The following RXFP1 variants were observed in gnomAD, a reference collection of about 807,000 sequenced individuals.
RXFP1 encodes the protein relaxin family peptide receptor 1.
RXFP1 carries 73 observed loss-of-function variants against 89.8 expected under a neutral mutation model. The observed-to-expected ratio is 0.81, with a 90% CI of 0.67 to 0.99. RXFP1 has a LOEUF of 0.99. Ranked by LOEUF, RXFP1 falls within the 50% of genes least tolerant of loss-of-function variation. The probability of loss-of-function intolerance (pLI) is 0.00; values close to 1 mark genes in which losing one functional copy is unlikely to be tolerated. For synonymous variants in RXFP1, 277 were observed against 305.5 expected (o/e 0.91, Z 0.97); for missense variants, 793 against 895.5 (o/e 0.89, Z 1.46).
At chr4:158,606,753 T>C (rs1762604498) in intron 5 of RXFP1, among the ~76,000 whole-genome samples, 1 of 150,194 alleles carries the variant, frequency 6.7e-6, no homozygotes, top group African/African-American at 2.4e-5. Context: ...CTGGCTCCTT[T>C]TTTTTTTTTT....
intron 14 of RXFP1, among the ~76,000 whole-genome samples, chr4:158,644,342 A>T (rs1010444594): frequency 6.6e-6 from 1 of 152,088 alleles, no homozygotes; most frequent in African/African-American, 2.4e-5. Context: ...CACCGCGCCC[A>T]GCCTTGTATG....
intron 11 of RXFP1, among the ~76,000 whole-genome samples, chr4:158,632,799 T>C (rs988823413): frequency 2.6e-5 from 4 of 152,126 alleles, no homozygotes; most frequent in Non-Finnish European, 5.9e-5. Context: ...CATGCATCTA[T>C]TCTAACACAC....
At chr4:158,624,451 G>A (rs1766299830) in intron 9 of RXFP1, among the ~76,000 whole-genome samples, 2 of 152,022 alleles carry the variant, frequency 1.3e-5, no homozygotes, top group South Asian at 4.1e-4. Flanking sequence ...TGTTATTGTT[G>A]TTATTCAGAT....
intron 1 of RXFP1, among the ~76,000 whole-genome samples, chr4:158,548,390 T>A (rs1439266565): frequency 2.0e-5 from 3 of 152,256 alleles, no homozygotes; most frequent in Non-Finnish European, 2.9e-5. Flanking sequence ...CTGATGGGTC[T>A]GGACTCTTTA....
chr4:158,566,213 A>G (rs987803571), intron 1 of RXFP1, among the ~76,000 whole-genome samples: 5 of 152,180 alleles, frequency 3.3e-5, no homozygotes, highest in African/African-American at 4.8e-5. Flanking sequence ...TTTACATAGG[A>G]AAATATTCTT....
rs574990615 is a variant in RXFP1 at position 158,543,737 on chromosome 4, A to T, written c.49+21712A>T. 108 of 982,714 alleles carry T rather than the reference A, an allele frequency of 1.1e-4. 2 individuals are homozygous for T. In the East Asian group the frequency reaches 0.01, roughly 94 times the overall value. 60.9% of individuals were successfully genotyped at this position (982,714 alleles called of 1,614,324 possible). ...CCCTAGTACTTCCTCCTGAAGAATG[A>T]ACTTTCAAACTTTTTTATTAACACT... On this transcript the variant is annotated intron_variant, in intron 1 of 17. Coordinates refer to ENST00000307765, the MANE Select transcript of RXFP1 (RefSeq NM_021634.4).
chr4:158,568,284 C>G (rs1358472002), intron 1 of RXFP1, among the ~76,000 whole-genome samples: 1 of 152,170 alleles, frequency 6.6e-6, no homozygotes, highest in East Asian at 1.9e-4. Flanking sequence ...CAATTCCGGA[C>G]ACAATACAAT....
chr4:158,631,223 A>C (rs980632194), intron 11 of RXFP1, among the ~76,000 whole-genome samples: 2 of 152,244 alleles, frequency 1.3e-5, no homozygotes, highest in Non-Finnish European at 2.9e-5. Context: ...TTGGAATTTT[A>C]ATATCCCAGT....
chr4:158,625,750 T>G (rs1415510108), intron 9 of RXFP1, among the ~76,000 whole-genome samples: 1 of 152,106 alleles, frequency 6.6e-6, no homozygotes, highest in East Asian at 1.9e-4. Context: ...CTTTCAGATT[T>G]TAATAGCTGT....
At chr4:158,556,246 A>C (rs1751274774) in intron 1 of RXFP1, among the ~76,000 whole-genome samples, 1 of 152,080 alleles carries the variant, frequency 6.6e-6, no homozygotes, top group African/African-American at 2.4e-5. Context: ...AAAAAATTGA[A>C]AAATGGACAA....
chr4:158,581,002 C>G (rs943601372), intron 2 of RXFP1, among the ~76,000 whole-genome samples: 1 of 152,088 alleles, frequency 6.6e-6, no homozygotes, highest in African/African-American at 2.4e-5. Flanking sequence ...GTGGTCCAGG[C>G]TGCTCTCGAA....
At chr4:158,635,728 TG>T (rs1408010955) in intron 12 of RXFP1, among the ~76,000 whole-genome samples, 2 of 152,216 alleles carry the variant, frequency 1.3e-5, no homozygotes, top group African/African-American at 2.4e-5. Flanking sequence ...TACAACCCAT[TG>T]GTCATTGTCA....
At chr4:158,640,575 G>C (rs972565812) in intron 14 of RXFP1, among the ~76,000 whole-genome samples, 1 of 152,116 alleles carries the variant, frequency 6.6e-6, no homozygotes, top group Non-Finnish European at 1.5e-5. Context: ...TGAAATAATA[G>C]AAGGAGAACT....
At chr4:158,542,542 C>T (rs924325015) in intron 1 of RXFP1, among the ~76,000 whole-genome samples, 10 of 152,200 alleles carry the variant, frequency 6.6e-5, no homozygotes, top group Middle Eastern at 3.4e-3. Context: ...CTTAGATTTG[C>T]ATCAATTTTT....
chr4:158,599,619 T>G (rs1184368440), intron 4 of RXFP1, among the ~76,000 whole-genome samples, 188 bp downstream of exon 4: 1 of 152,220 alleles, frequency 6.6e-6, no homozygotes, highest in African/African-American at 2.4e-5. Context: ...CCTTAAATTA[T>G]TCTTTATATT....
At chr4:158,613,350 A>G (rs1185044480) in intron 8 of RXFP1, among the ~76,000 whole-genome samples, 1 of 152,214 alleles carries the variant, frequency 6.6e-6, no homozygotes, top group Non-Finnish European at 1.5e-5. Flanking sequence ...AGATTTCTCT[A>G]TGGTATGCAA....
intron 6 of RXFP1, chr4:158,610,686 G>A (rs933262452): frequency 7.8e-7 from 1 of 1,289,702 alleles, no homozygotes; most frequent in African/African-American, 1.5e-5. Context: ...GGCAAAACAG[G>A]TGAGCATAGG....
chr4:158,541,020 A>C (rs1367483091), intron 1 of RXFP1, among the ~76,000 whole-genome samples: 1 of 152,284 alleles, frequency 6.6e-6, no homozygotes, highest in East Asian at 1.9e-4. Flanking sequence ...TAAAAAAAAG[A>C]AGCAGTGGCC....
intron 11 of RXFP1, among the ~76,000 whole-genome samples, chr4:158,631,181 A>G (rs1767953726): frequency 6.6e-6 from 1 of 152,184 alleles, no homozygotes; most frequent in African/African-American, 2.4e-5. Flanking sequence ...AACAAAACCC[A>G]CACTCCCACC....
Sources: gnomAD v4.1 joint callset for allele counts (sites outside exome capture counted in the v4.1 genomes callset) on GRCh38, gnomAD v4.1.1 for gene constraint, MANE v1.5 for transcripts, NCBI Gene and HGNC (gene_info 2026-07-23, HGNC 2026-07-21) for gene names.